ZFHX3: variants seen among roughly 807,000 people sequenced by gnomAD.
ZFHX3 encodes the protein zinc finger homeobox 3, also known as zinc finger homeobox protein 3.
In ZFHX3, 42 loss-of-function variants were observed where a neutral mutation model predicts 279.1. The observed-to-expected ratio is 0.15, with a 90% CI of 0.12 to 0.19. The LOEUF (loss-of-function observed/expected upper bound fraction) is 0.19, where lower values mean the gene tolerates loss of function less well. Ranked by LOEUF, ZFHX3 falls within the 10% of genes least tolerant of loss-of-function variation. The pLI is 1.00. For synonymous variants in ZFHX3, 2,293 were observed against 1,957.8 expected, an observed-to-expected ratio of 1.17 and a Z score of -4.52; for missense variants, 4,981 against 4,754.0, an observed-to-expected ratio of 1.05 and a Z score of -1.40.
chr16:72,797,297 G>C lies in ZFHX3; in HGVS notation c.5385C>G (p.His1795Gln). 6.2e-7 allele frequency: 1 copy of C among 1,607,994 alleles called. No individual in the cohort carries two copies. The highest frequency in any genetic ancestry group is 8.5e-7 in the Non-Finnish European group (1 of 1,176,382). Residue 1795 changes from histidine (H) to glutamine (Q), a missense_variant, in exon 9 of 10, where the codon CAC becomes CAG. By Grantham distance (24) the His-to-Gln change is conservative. Transcript: ENST00000268489. The part of the protein sequence containing the change: ...ETLLQLQQQQ[H>Q]LLFPFYIPSA... ...TGGGGATGTAGAAAGGGAAGAGGAG[G>C]TGCTGCTGCTGCTGTAGTTGCAGCA... is the stretch of plus-strand genomic sequence containing the variant.
In ZFHX3 at chr16:72,795,044, C is replaced by T. The variant is rs1268619263; in HGVS notation, c.7638G>A (p.Gln2546=). 5 of 1,614,068 alleles carry T rather than the reference C, an allele frequency of 3.1e-6. No individual in the cohort carries two copies. Among genetic ancestry groups the T allele is most frequent in the Middle Eastern group, 1.6e-4 (1 of 6,084 alleles). The change falls in exon 9 of 10, where the codon CAG becomes CAA. Residue 2546 remains glutamine, a synonymous_variant. Coordinates refer to ENST00000268489, the MANE Select transcript of ZFHX3 (RefSeq NM_006885.4). ...TCAGGAAGTGGAGCTGCTGATGCTCCTGCCAGTGCTCAAATGACGGAAATG... is the reference window on the plus strand; with the variant it reads ...TCAGGAAGTGGAGCTGCTGATGCTCTTGCCAGTGCTCAAATGACGGAAATG... The part of the protein sequence containing the change: ...KLAFPSFEHW[Q]EHQQLHFLSA...
chr16:73,868,662 C>A (rs1321611265), intron 1 of ZFHX3, among the ~76,000 whole-genome samples: 6 of 152,200 alleles, frequency 3.9e-5, no homozygotes, highest in Non-Finnish European at 2.9e-5. Flanking sequence ...AGGACAACTC[C>A]TTAGACACTG....
chr16:73,618,799 T>A (rs1316782894), intron 2 of ZFHX3, among the ~76,000 whole-genome samples: 1 of 152,196 alleles, frequency 6.6e-6, no homozygotes, highest in Non-Finnish European at 1.5e-5. Flanking sequence ...AGATCTTTGG[T>A]ACCAATTGAT....
At chr16:73,130,679 C>T (rs186658888) in intron 7 of ZFHX3, among the ~76,000 whole-genome samples, 3 of 152,338 alleles carry the variant, frequency 2.0e-5, no homozygotes, top group African/African-American at 4.8e-5. Flanking sequence ...GTGATCTCAG[C>T]TCACGGCAAC....
rs754613484 is a variant in ZFHX3, at chr16:72,959,262, C to T, written c.884G>A (p.Arg295His). Residue 295 changes from arginine (R) to histidine (H), a missense_variant, in exon 2 of 10, where the codon CGT becomes CAT. Arg to His is a conservative substitution (Grantham distance 29). Transcript: ENST00000268489. Reference protein sequence around the residue: ...FLCKLSFGYVRSFVTHAVHDH... With the variant: ...FLCKLSFGYVHSFVTHAVHDH... ...ATGCACCGCGTGGGTCACAAACGAA[C>T]GGACGTACCCAAAGGAGAGTTTGCA... is the stretch of plus-strand genomic sequence containing the variant. The T allele has an allele frequency of 1.1e-5, 18 of 1,614,084 alleles. No homozygotes were observed. Among genetic ancestry groups the T allele is most frequent in the African/African-American group, 9.3e-5 (7 of 74,918 alleles).
At chr16:73,352,148 T>C (rs1017279238) in intron 3 of ZFHX3, among the ~76,000 whole-genome samples, 22 of 152,180 alleles carry the variant, frequency 1.4e-4, no homozygotes, top group Non-Finnish European at 2.6e-4. Context: ...TACTATCTTT[T>C]ATACACAGCC....
intron 2 of ZFHX3, among the ~76,000 whole-genome samples, chr16:73,610,348 G>T (rs921405944): frequency 2.0e-5 from 3 of 152,076 alleles, no homozygotes; most frequent in Non-Finnish European, 2.9e-5. Context: ...TTTGCTTTCC[G>T]GGTGTTGTGT....
intron 7 of ZFHX3, among the ~76,000 whole-genome samples, chr16:73,122,894 T>TGTATAACAA (rs1966517312): frequency 6.6e-6 from 1 of 152,050 alleles, no homozygotes; most frequent in Non-Finnish European, 1.5e-5. Flanking sequence ...GGAGTTAAAA[T>TGTATAACAA]GTATAACAAG....
At chr16:73,823,934 C>G (rs1960823389) in intron 1 of ZFHX3, among the ~76,000 whole-genome samples, 1 of 152,192 alleles carries the variant, frequency 6.6e-6, no homozygotes. Context: ...TCTCAGAAAT[C>G]ACACTAAGCC....
intron 2 of ZFHX3, among the ~76,000 whole-genome samples, chr16:73,502,768 C>T (rs942699728): frequency 1.3e-5 from 2 of 152,154 alleles, no homozygotes; most frequent in Admixed American, 1.3e-4. Context: ...GGCTGCACAC[C>T]CACTAGAGCT....
rs954050174 is a variant in ZFHX3 at position 73,619,502 on chromosome 16, A to T, written c.-1547+60678T>A. Among the ~76,000 whole-genome samples the T allele has an allele frequency of 9.7e-4, 143 of 147,130 alleles. 2 individuals carry two copies. Among genetic ancestry groups the T allele is most frequent in the African/African-American group, 3.4e-3 (135 of 39,620 alleles). ...TACTGTGTCTCAAAAAAAAAAAATT[A>T]TATATATATATATATATGTCTGTAA... On this transcript the variant is annotated intron_variant, in intron 2 of 17. Coordinates refer to the ZFHX3 transcript ENST00000641206.
At chr16:72,893,757 G>C (rs1444890573) in intron 3 of ZFHX3, among the ~76,000 whole-genome samples, 1 of 152,172 alleles carries the variant, frequency 6.6e-6, no homozygotes, top group African/African-American at 2.4e-5. Flanking sequence ...ACCTGGTCCA[G>C]TGAACACCTA....
chr16:72,944,144 G>A (rs1344204295), intron 3 of ZFHX3, among the ~76,000 whole-genome samples: 2 of 152,116 alleles, frequency 1.3e-5, no homozygotes, highest in African/African-American at 4.8e-5. Context: ...AATTAGCTGG[G>A]TGTGGTGGTG....
intron 1 of ZFHX3, among the ~76,000 whole-genome samples, chr16:73,762,143 A>C (rs181567972): frequency 9.2e-4 from 140 of 152,124 alleles, no homozygotes; most frequent in African/African-American, 3.0e-3. Flanking sequence ...CAAGAAAAAA[A>C]AAAACAACAC....
intron 1 of ZFHX3, among the ~76,000 whole-genome samples, chr16:73,840,739 C>G (rs1203100364): frequency 6.6e-6 from 1 of 152,152 alleles, no homozygotes; most frequent in Non-Finnish European, 1.5e-5. Flanking sequence ...ATGCAACATG[C>G]CTATAAGCTG....
chr16:72,806,959 C>G (rs1019346725), intron 7 of ZFHX3: 8 of 152,214 alleles, frequency 5.3e-5, no homozygotes, highest in African/African-American at 1.7e-4. Context: ...CATATCAGTG[C>G]TTCAGGATCC....
intron 5 of ZFHX3, among the ~76,000 whole-genome samples, chr16:72,828,056 C>G (rs572739372): frequency 5.1e-4 from 77 of 152,296 alleles, no homozygotes; most frequent in African/African-American, 1.8e-3. Context: ...TATTTCTCAG[C>G]CCTTCAGTCA....
intron 2 of ZFHX3, among the ~76,000 whole-genome samples, chr16:73,553,839 G>A (rs2020237483): frequency 6.6e-6 from 1 of 152,116 alleles, no homozygotes; most frequent in African/African-American, 2.4e-5. Context: ...CCACCTAGGG[G>A]GTCTAAGGAA....
rs547618913 is a variant in ZFHX3, at chr16:72,907,545, T to TTGTGTGTGTGTGTGTG, written c.3217-17599_3217-17584dup. ...CTCGGTTTCCAAAGGTTTCCTCTATTTGTGTGTGTGTGTGTGTGTGTGTGT... is the reference window on the plus strand; with the variant it reads ...CTCGGTTTCCAAAGGTTTCCTCTATTTGTGTGTGTGTGTGTGTGTGTGTGTGTGTGTGTGTGTGTGT... On this transcript the variant is annotated intron_variant, in intron 3 of 9. Coordinates refer to ENST00000268489, the MANE Select transcript of ZFHX3 (RefSeq NM_006885.4). Among the ~76,000 whole-genome samples the TTGTGTGTGTGTGTGTG allele has an allele frequency of 6.7e-4, 81 of 120,480 alleles. 1 individual carries two copies. Among genetic ancestry groups the TTGTGTGTGTGTGTGTG allele is most frequent in the South Asian group, 1.6e-3 (5 of 3,060 alleles). 79.0% of individuals were successfully genotyped at this position (120,480 alleles called of 152,430 possible).
Sources: gnomAD v4.1 joint callset for allele counts (sites outside exome capture counted in the v4.1 genomes callset) on GRCh38, gnomAD v4.1.1 for gene constraint, MANE v1.5 for transcripts, NCBI Gene and HGNC (gene_info 2026-07-23, HGNC 2026-07-21) for gene names.